The following IL1RAPL1 variants were observed in gnomAD, a reference collection of about 807,000 sequenced individuals.
The protein encoded by IL1RAPL1 is interleukin 1 receptor accessory protein like 1, also known as interleukin-1 receptor accessory protein-like 1.
In IL1RAPL1, 3 loss-of-function variants were observed where a neutral mutation model predicts 48.4. That is an observed-to-expected ratio of 0.06 (90% confidence interval 0.03 to 0.16). The LOEUF (loss-of-function observed/expected upper bound fraction) is 0.16. Ranked by LOEUF, IL1RAPL1 falls within the 10% of genes least tolerant of loss-of-function variation. The pLI is 1.00. For missense variants in IL1RAPL1, 349 were observed against 530.6 expected, an observed-to-expected ratio of 0.66 and a Z score of 3.36; for synonymous variants, 185 against 187.7, an observed-to-expected ratio of 0.99 and a Z score of 0.12.
intron 1 of IL1RAPL1, 40 bp from the exon 2 acceptor site, chrX:28,789,280 A>T (rs1039621413): frequency 9.9e-6 from 8 of 811,933 alleles, no homozygotes; most frequent in Non-Finnish European, 1.5e-5. Flanking sequence ...ATCTATTTTT[A>T]AAACATGTAT....
chrX:28,936,673 T>C (rs1259945925), intron 2 of IL1RAPL1, among the ~76,000 whole-genome samples: 2 of 111,060 alleles, frequency 1.8e-5, no homozygotes, highest in Non-Finnish European at 3.8e-5. Context: ...TGGTTTTAAC[T>C]CTGATTATGC....
intron 2 of IL1RAPL1, among the ~76,000 whole-genome samples, chrX:29,224,107 A>G: frequency 9.0e-6 from 1 of 111,616 alleles, no homozygotes; most frequent in Middle Eastern, 4.6e-3. Flanking sequence ...ATAACCTCCC[A>G]GACTGATTCA....
At chrX:28,689,823 C>T (rs1935155802) in intron 1 of IL1RAPL1, among the ~76,000 whole-genome samples, 1 of 111,301 alleles carries the variant, frequency 9.0e-6, no homozygotes, top group Admixed American at 9.6e-5. Flanking sequence ...CAGTCATTAT[C>T]TAGAATGTTA....
intron 5 of IL1RAPL1, among the ~76,000 whole-genome samples, chrX:29,500,399 C>A (rs1935260070): frequency 8.9e-6 from 1 of 111,819 alleles, no homozygotes; most frequent in South Asian, 3.7e-4. Flanking sequence ...TGTTTGTACC[C>A]ATTACTCAAC....
At chrX:28,925,876 G>A (rs1019832385) in intron 2 of IL1RAPL1, among the ~76,000 whole-genome samples, 1 of 111,861 alleles carries the variant, frequency 8.9e-6, no homozygotes, top group South Asian at 3.7e-4. Flanking sequence ...AGCCAAGATC[G>A]TGCTATTGCA....
At chrX:29,162,537 AATAC>A (rs1377964697) in intron 2 of IL1RAPL1, among the ~76,000 whole-genome samples, 1 of 110,392 alleles carries the variant, frequency 9.1e-6, no homozygotes, top group African/African-American at 3.3e-5. Flanking sequence ...AATAACAAAT[AATAC>A]ATATATTACT....
At position 29,080,994 on chromosome X, in the gene IL1RAPL1, T is replaced by TTCTTTCTCTCTC. The variant is rs1569232789; in HGVS notation, c.83-201941_83-201940insTTCTCTCTCTCT. 2.7e-3 allele frequency among the ~76,000 whole-genome samples: 70 copies of TTCTTTCTCTCTC among 26,405 alleles called. 1 individual carries two copies. The highest frequency in any genetic ancestry group is 6.1e-3 in the Admixed American group (11 of 1,811). The allele number at this position is 26,405 out of a possible 115,157, so 22.9% of individuals were successfully genotyped here. A position where few individuals can be genotyped will look rare whatever the true frequency, so the allele number is the denominator to read the frequency against. On this transcript the variant is annotated intron_variant, in intron 2 of 10. Coordinates refer to ENST00000378993, the MANE Select transcript of IL1RAPL1 (RefSeq NM_014271.4). ...TTTCTTTCTTTCTTTCTTTCTTTCT[T>TTCTTTCTCTCTC]TCTCTCTCTCTCTCTCTCTCTCTCT... is the stretch of plus-strand genomic sequence containing the variant.
intron 2 of IL1RAPL1, among the ~76,000 whole-genome samples, chrX:29,171,724 A>G (rs1157511163): frequency 1.8e-5 from 2 of 112,181 alleles, no homozygotes; most frequent in South Asian, 3.6e-4. Context: ...TTAGGCATGC[A>G]AAATTAAGGC....
At chrX:29,252,231 A>C (rs754199584) in intron 2 of IL1RAPL1, among the ~76,000 whole-genome samples, 2 of 111,778 alleles carry the variant, frequency 1.8e-5, no homozygotes, top group African/African-American at 3.3e-5. Flanking sequence ...TAACCTGCAC[A>C]TTGTGCACAT....
At chrX:29,874,043 G>A (rs1373731181) in intron 6 of IL1RAPL1, among the ~76,000 whole-genome samples, 3 of 112,052 alleles carry the variant, frequency 2.7e-5, no homozygotes, top group East Asian at 2.8e-4. Flanking sequence ...ATTTGCTTGC[G>A]ATTCAATGTG....
intron 2 of IL1RAPL1, among the ~76,000 whole-genome samples, chrX:28,808,946 C>T (rs765989835): frequency 8.6e-4 from 95 of 110,626 alleles, no homozygotes; most frequent in Non-Finnish European, 1.6e-3. Flanking sequence ...GTTTAACAGG[C>T]TAAACCCTTA....
chrX:28,920,779 C>T (rs1390737355), intron 2 of IL1RAPL1, among the ~76,000 whole-genome samples: 1 of 111,729 alleles, frequency 9.0e-6, no homozygotes, highest in Non-Finnish European at 1.9e-5. Flanking sequence ...GCTGTCTGCC[C>T]GTTAATTGAA....
intron 2 of IL1RAPL1, among the ~76,000 whole-genome samples, chrX:29,105,011 T>TA (rs1928420340): frequency 8.9e-6 from 1 of 111,752 alleles, no homozygotes; most frequent in African/African-American, 3.3e-5. Flanking sequence ...CTGTCCATGC[T>TA]AAAAAATCCT....
At chrX:29,474,172 G>T (rs1243441971) in intron 5 of IL1RAPL1, among the ~76,000 whole-genome samples, 2 of 112,143 alleles carry the variant, frequency 1.8e-5, no homozygotes, top group African/African-American at 6.5e-5. Context: ...TGTTCAAGGT[G>T]ATTTCCAAGA....
At chrX:29,721,077 C>T (rs1377013738) in intron 6 of IL1RAPL1, among the ~76,000 whole-genome samples, 1 of 111,731 alleles carries the variant, frequency 9.0e-6, no homozygotes, top group Non-Finnish European at 1.9e-5. Context: ...TGGAATTGAC[C>T]ACTTGGCAGG....
chrX:29,600,411 C>G (rs1390903284), intron 5 of IL1RAPL1, among the ~76,000 whole-genome samples: 1 of 112,025 alleles, frequency 8.9e-6, no homozygotes, highest in East Asian at 2.8e-4. Context: ...ACCAGCCCTT[C>G]TCTGGTGGAG....
At chrX:29,636,967 C>T (rs113064198) in intron 5 of IL1RAPL1, among the ~76,000 whole-genome samples, 2,799 of 107,778 alleles carry the variant, frequency 0.026, 104 homozygotes, top group African/African-American at 0.089. Context: ...GCAGGAGAAT[C>T]GCTTGAACCC....
chrX:28,659,771 A>G (rs1390811482), intron 1 of IL1RAPL1, among the ~76,000 whole-genome samples: 3 of 109,401 alleles, frequency 2.7e-5, no homozygotes, highest in African/African-American at 1.0e-4. Context: ...GAAGAGATTA[A>G]TCTTTGTACT....
At chrX:28,832,162 G>C (rs1453407510) in intron 2 of IL1RAPL1, among the ~76,000 whole-genome samples, 1 of 110,410 alleles carries the variant, frequency 9.1e-6, no homozygotes, top group Non-Finnish European at 1.9e-5. Flanking sequence ...GTTAATTCTA[G>C]TCACCCTGCA....
Sources: allele counts gnomAD v4.1 joint callset (sites outside exome capture counted in the v4.1 genomes callset), GRCh38; gene constraint gnomAD v4.1.1; transcripts MANE v1.5; gene names NCBI Gene and HGNC (gene_info 2026-07-23, HGNC 2026-07-21).